The following BMPER variants were observed in gnomAD, a reference collection of about 807,000 sequenced individuals.
BMPER encodes BMP binding endothelial regulator.
In BMPER, 45 loss-of-function variants were observed where a neutral mutation model predicts 87.3. The observed-to-expected ratio is 0.52, with a 90% CI of 0.41 to 0.66. The LOEUF is 0.66. Ranked by LOEUF, BMPER falls within the 30% of genes least tolerant of loss-of-function variation. BMPER has a pLI of 0.00. For synonymous variants in BMPER, 326 were observed against 316.2 expected (o/e 1.03, Z -0.33); for missense variants, 784 against 867.5 (o/e 0.90, Z 1.21).
Position 34,028,601 on chromosome 7 carries a change from G to GTTTTTTTTTTTTTTTTTTTTTTTT in BMPER, c.577-17696_577-17673dup. On this transcript the variant is annotated intron_variant, in intron 6 of 14. Transcript: ENST00000649409. ...ACATACAGTCCAAATCATTTTTTCT[G>GTTTTTTTTTTTTTTTTTTTTTTTT]TTTTTTTTTTTTTTTTTTTTTTTTT... Among the ~76,000 whole-genome samples the GTTTTTTTTTTTTTTTTTTTTTTTT allele has an allele frequency of 6.1e-4, 22 of 36,060 alleles. 2 individuals carry two copies. Among genetic ancestry groups the GTTTTTTTTTTTTTTTTTTTTTTTT allele is most frequent in the African/African-American group, 9.7e-4 (11 of 11,388 alleles). 23.7% of individuals were successfully genotyped at this position (36,060 alleles called of 152,430 possible).
chr7:34,076,810 G>A (rs999060681), intron 11 of BMPER, among the ~76,000 whole-genome samples: 1 of 152,090 alleles, frequency 6.6e-6, no homozygotes, highest in Non-Finnish European at 1.5e-5. Flanking sequence ...CAGGTTGTGG[G>A]CATTCCCTGT....
chr7:34,060,780 C>T (rs892584047), intron 10 of BMPER, among the ~76,000 whole-genome samples: 2 of 152,134 alleles, frequency 1.3e-5, no homozygotes, highest in Non-Finnish European at 2.9e-5. Context: ...CCTTAGTTCC[C>T]TGTAAACAGG....
intron 13 of BMPER, among the ~76,000 whole-genome samples, chr7:34,130,930 G>C (rs1200327053): frequency 1.3e-5 from 2 of 152,220 alleles, no homozygotes; most frequent in African/African-American, 4.8e-5. Flanking sequence ...TTTGAATGCT[G>C]TCTTTGCCAC....
In BMPER at chr7:34,046,278, T is replaced by A. The variant is rs758811550; in HGVS notation, c.577-28T>A. The A allele has an allele frequency of 6.2e-6, 10 of 1,601,444 alleles. No individual in the cohort carries two copies. The Admixed American group carries it at 1.7e-4, about 27-fold the overall frequency. ...ATCTACATGCACTTACTTTTCTAAA[T>A]ATGCTTTTTTTTTCTCTCTTTTCTT... On this transcript the variant is annotated intron_variant, in intron 6 of 14. Coordinates refer to ENST00000649409, the MANE Select transcript of BMPER (RefSeq NM_001365308.1).
At chr7:34,099,720 A>G (rs540732116) in intron 13 of BMPER, among the ~76,000 whole-genome samples, 1 of 152,282 alleles carries the variant, frequency 6.6e-6, no homozygotes, top group South Asian at 2.1e-4. Context: ...TTTAATTCCA[A>G]TGTCATGTGC....
At chr7:33,917,000 T>A (rs1381767130) in intron 2 of BMPER, among the ~76,000 whole-genome samples, 1 of 152,218 alleles carries the variant, frequency 6.6e-6, no homozygotes, top group South Asian at 2.1e-4. Context: ...ATGAATGTAA[T>A]CACATTTGAA....
intron 5 of BMPER, among the ~76,000 whole-genome samples, chr7:33,971,110 T>G (rs189136868): frequency 1.4e-3 from 210 of 152,006 alleles, no homozygotes; most frequent in African/African-American, 4.9e-3. Flanking sequence ...ATTTTGTTTT[T>G]TTTGTTTTTT....
chr7:34,038,012 A>G (rs142933296), intron 6 of BMPER, among the ~76,000 whole-genome samples: 6 of 152,286 alleles, frequency 3.9e-5, no homozygotes, highest in African/African-American at 1.2e-4. Flanking sequence ...GGGACTACAC[A>G]GAGAAATTAA....
At chr7:33,912,375 G>A (rs1783986641) in intron 2 of BMPER, among the ~76,000 whole-genome samples, 2 of 152,126 alleles carry the variant, frequency 1.3e-5, no homozygotes, top group South Asian at 4.2e-4. Flanking sequence ...TGTTTTTGTT[G>A]CCTACTTACT....
At chr7:34,037,081 G>T (rs557637534) in intron 6 of BMPER, among the ~76,000 whole-genome samples, 104 of 152,050 alleles carry the variant, frequency 6.8e-4, no homozygotes, top group Non-Finnish European at 2.9e-4. Flanking sequence ...GCTCACACCT[G>T]TAATTGTGCT....
chr7:33,994,216 A>C (rs868702732), intron 6 of BMPER, among the ~76,000 whole-genome samples: 3 of 152,246 alleles, frequency 2.0e-5, no homozygotes, highest in Middle Eastern at 3.4e-3. Flanking sequence ...CCCCTCCCCC[A>C]GCCTCGCTGC....
intron 13 of BMPER, among the ~76,000 whole-genome samples, chr7:34,121,982 G>A (rs914663522): frequency 6.6e-6 from 1 of 151,756 alleles, no homozygotes; most frequent in Non-Finnish European, 1.5e-5. Context: ...AATTAGCTGG[G>A]CATTGTGGTA....
intron 2 of BMPER, among the ~76,000 whole-genome samples, chr7:33,934,644 C>T (rs1784561255): frequency 6.6e-6 from 1 of 152,072 alleles, no homozygotes; most frequent in Non-Finnish European, 1.5e-5. Context: ...TTTTGACTGG[C>T]TCCCAGGTTT....
At chr7:34,016,283 A>G (rs1787025390) in intron 6 of BMPER, among the ~76,000 whole-genome samples, 2 of 151,908 alleles carry the variant, frequency 1.3e-5, no homozygotes, top group African/African-American at 2.4e-5. Context: ...ACTATATGAA[A>G]CAGTCTTGAG....
chr7:33,978,660 C>T (rs1197815833), intron 6 of BMPER, among the ~76,000 whole-genome samples: 1 of 152,170 alleles, frequency 6.6e-6, no homozygotes, highest in African/African-American at 2.4e-5. Context: ...ACGGATACTT[C>T]TCAACTTACG....
intron 6 of BMPER, among the ~76,000 whole-genome samples, chr7:34,014,845 C>G (rs1786977650): frequency 6.6e-6 from 1 of 151,868 alleles, no homozygotes; most frequent in African/African-American, 2.4e-5. Context: ...ATCAAATGAT[C>G]CATTTTCTTT....
intron 10 of BMPER, among the ~76,000 whole-genome samples, chr7:34,061,741 A>G (rs1341967911): frequency 6.6e-6 from 1 of 152,202 alleles, no homozygotes; most frequent in Non-Finnish European, 1.5e-5. Context: ...AAATCACACT[A>G]GTGAGCCCTT....
At chr7:34,040,525 ATTTTT>A (rs1194443982) in intron 6 of BMPER, among the ~76,000 whole-genome samples, 1 of 148,186 alleles carries the variant, frequency 6.7e-6, no homozygotes, top group Non-Finnish European at 1.5e-5. Flanking sequence ...GCTGTCAATA[ATTTTT>A]TTTTTTTACA....
rs565945040 is a variant in BMPER, at chr7:33,934,806, C to T, written c.220-2483C>T. Among the ~76,000 whole-genome samples the T allele has an allele frequency of 2.1e-4, 32 of 152,336 alleles. No homozygotes were observed. In the East Asian group the frequency reaches 5.6e-3, roughly 27 times the overall value. On this transcript the variant is annotated intron_variant, in intron 2 of 14. Coordinates refer to ENST00000649409, the MANE Select transcript of BMPER (RefSeq NM_001365308.1). ...AGAGAGGAGATGCGCTTGGGAGTGGCCCTTGGCTAAGGCCGCAGCCAGGTT... is the reference window on the plus strand; with the variant it reads ...AGAGAGGAGATGCGCTTGGGAGTGGTCCTTGGCTAAGGCCGCAGCCAGGTT...
Sources: gnomAD v4.1 joint callset for allele counts (sites outside exome capture counted in the v4.1 genomes callset) on GRCh38, gnomAD v4.1.1 for gene constraint, MANE v1.5 for transcripts, NCBI Gene and HGNC (gene_info 2026-07-23, HGNC 2026-07-21) for gene names.